Variants in RBM18 observed in about 807,000 individuals in gnomAD.
RBM18 encodes RNA binding motif protein 18, also known as probable RNA-binding protein 18.
Under a neutral mutation model 26.4 loss-of-function variants are expected in RBM18, and 18 were observed. That is an observed-to-expected ratio of 0.68 (90% CI 0.47 to 1.01). The LOEUF is 1.01. Among genes scored for constraint, RBM18 ranks in the 50% least tolerant of loss-of-function variants. The pLI is 0.00. For missense variants in RBM18, 180 were observed against 219.2 expected (o/e 0.82, Z 1.13); for synonymous variants, 74 against 81.1 (o/e 0.91, Z 0.47).
rs1004101273 is a variant in RBM18 at position 122,239,096 on chromosome 9, G to A, written c.*2788C>T. ...ATTACTCCTGTTCTTTTATGTAGTA[G>A]TATAAAAGAATCACAGATATATTTG... On this transcript the variant is annotated 3_prime_UTR_variant, in exon 6 of 6. Transcript: ENST00000417201. 6.6e-6 allele frequency: 1 copy of A among 152,214 alleles called. No individual in the cohort carries two copies. Among genetic ancestry groups the A allele is most frequent in the African/African-American group, 2.4e-5 (1 of 41,448 alleles). 9.4% of individuals were successfully genotyped at this position (152,214 alleles called of 1,614,324 possible). A position where few individuals can be genotyped will look rare whatever the true frequency, so the allele number is the denominator to read the frequency against.
chr9:122,240,525 TAAC>T lies in RBM18; in HGVS notation c.*1356_*1358del, dbSNP rs1404056566. 2.0e-5 allele frequency: 3 copies of T among 152,242 alleles called. No individual in the cohort carries two copies. The highest frequency in any genetic ancestry group is 2.1e-4 in the South Asian group (1 of 4,834). The allele number at this position is 152,242 out of a possible 1,614,324, so 9.4% of individuals were successfully genotyped here. A position where few individuals can be genotyped will look rare whatever the true frequency, so the allele number is the denominator to read the frequency against. ...TCCTATATTGAAAGCTTCCTCTTGCTAACAACGATAGTGATAAACATTCTGTCA... is the reference window on the plus strand; with the variant it reads ...TCCTATATTGAAAGCTTCCTCTTGCTAACGATAGTGATAAACATTCTGTCA... On this transcript the variant is annotated 3_prime_UTR_variant, in exon 6 of 6. Transcript: ENST00000417201.
At chr9:122,244,610 G>A (rs1831475396) in intron 5 of RBM18, among the ~76,000 whole-genome samples, 1 of 152,182 alleles carries the variant, frequency 6.6e-6, no homozygotes, top group African/African-American at 2.4e-5. Context: ...TTCAGCGTAA[G>A]CTCAATAAAT....
chr9:122,257,111 T>C (rs1831709448), intron 2 of RBM18, among the ~76,000 whole-genome samples: 1 of 152,230 alleles, frequency 6.6e-6, no homozygotes, highest in Non-Finnish European at 1.5e-5. Flanking sequence ...CGTCTTGCTC[T>C]GTCGCCCAGG....
chr9:122,244,153 AAT>A (rs1040092373), intron 5 of RBM18, among the ~76,000 whole-genome samples: 4 of 152,168 alleles, frequency 2.6e-5, no homozygotes, highest in Admixed American at 2.0e-4. Context: ...AAAAAAAAAA[AAT>A]CATATTAAAC....
intron 2 of RBM18, 79 bp downstream of exon 2, chr9:122,261,301 C>G (rs946605735): frequency 1.1e-6 from 1 of 945,992 alleles, no homozygotes; most frequent in South Asian, 1.3e-5. Flanking sequence ...ATCCCACACC[C>G]CTTGAAAATT....
chr9:122,258,376 C>T (rs1184093150), intron 2 of RBM18, among the ~76,000 whole-genome samples: 1 of 152,004 alleles, frequency 6.6e-6, no homozygotes, highest in East Asian at 1.9e-4. Flanking sequence ...TCAAGTGATT[C>T]TCCTGCCTCA....
At chr9:122,244,984 T>C (rs1831480507) in intron 5 of RBM18, among the ~76,000 whole-genome samples, 1 of 152,218 alleles carries the variant, frequency 6.6e-6, no homozygotes, top group Non-Finnish European at 1.5e-5. Flanking sequence ...CTGACCTGTC[T>C]TTGTAATTTT....
chr9:122,261,350 A>T, intron 2 of RBM18, 30 bp downstream of exon 2: 1 of 1,444,436 alleles, frequency 6.9e-7, no homozygotes, highest in Non-Finnish European at 9.8e-7. Flanking sequence ...CCAATATTGT[A>T]GGTAAAAAAC....
intron 1 of RBM18, among the ~76,000 whole-genome samples, chr9:122,262,741 G>T (rs185568355): frequency 6.6e-6 from 1 of 152,156 alleles, no homozygotes; most frequent in African/African-American, 2.4e-5. Flanking sequence ...ATGCCACTAA[G>T]CCTGTCTAAT....
At chr9:122,243,215 T>C (rs1831452210) in intron 5 of RBM18, among the ~76,000 whole-genome samples, 1 of 152,150 alleles carries the variant, frequency 6.6e-6, no homozygotes, top group African/African-American at 2.4e-5. Flanking sequence ...CAAGTAATCC[T>C]CCTGCCTCAG....
intron 2 of RBM18, 28 bp from the exon 3 acceptor site, chr9:122,252,001 T>C (rs757679374): frequency 1.2e-6 from 2 of 1,610,112 alleles, no homozygotes; most frequent in Non-Finnish European, 1.7e-6. Context: ...TCCATGAGTA[T>C]GCTCTGGGAA....
chr9:122,257,154 C>A (rs920938081), intron 2 of RBM18, among the ~76,000 whole-genome samples: 1 of 152,178 alleles, frequency 6.6e-6, no homozygotes, highest in African/African-American at 2.4e-5. Flanking sequence ...CGGCTCACTG[C>A]AAGCTCCGCC....
chr9:122,251,425 A>G (rs1831603974), intron 3 of RBM18, among the ~76,000 whole-genome samples: 1 of 152,314 alleles, frequency 6.6e-6, no homozygotes, highest in African/African-American at 2.4e-5. Flanking sequence ...TTGTTCTGAG[A>G]CCTTGAGAAG....
In RBM18 at chr9:122,261,395, T is replaced by C; in HGVS notation, c.98A>G (p.Asp33Gly). Residue 33 changes from aspartate (D) to glycine (G), a missense_variant, in exon 2 of 6, where the codon GAC becomes GGC. Transcript: ENST00000417201. The part of the protein sequence containing the change: ...EGHRLWIGNL[D>G]PKITEYHLLK... Reference sequence around the variant, plus strand: ...TTAGACTTACTCGGTAATTTTGGGGTCCAGGTTGCCAATCCATAATCGGTG... The same window carrying C: ...TTAGACTTACTCGGTAATTTTGGGGCCCAGGTTGCCAATCCATAATCGGTG... 1 of 1,613,086 alleles carries C rather than the reference T, an allele frequency of 6.2e-7. No homozygotes were observed. Among genetic ancestry groups the C allele is most frequent in the Non-Finnish European group, 8.5e-7 (1 of 1,179,046 alleles).
At chr9:122,259,182 G>A (rs1352577092) in intron 2 of RBM18, among the ~76,000 whole-genome samples, 2 of 152,084 alleles carry the variant, frequency 1.3e-5, no homozygotes, top group African/African-American at 4.8e-5. Flanking sequence ...CATAAACTGA[G>A]GTGGCAAATG....
intron 5 of RBM18, 40 bp downstream of exon 5, chr9:122,245,216 C>G: frequency 8.7e-7 from 1 of 1,155,088 alleles, no homozygotes; most frequent in Non-Finnish European, 1.3e-6. Context: ...ATGGCTGAAG[C>G]TCCTGAATTA....
chr9:122,241,888 C>T lies in RBM18; in HGVS notation c.569G>A (p.Arg190Lys), dbSNP rs184989286. 220 of 1,611,302 alleles carry T rather than the reference C, an allele frequency of 1.4e-4. No homozygotes were observed. The highest frequency in any genetic ancestry group is 1.8e-4 in the Non-Finnish European group (215 of 1,179,266). Residue 190 changes from arginine (R) to lysine (K), a missense_variant, in exon 6 of 6, where the codon AGA (arginine) becomes AAA (lysine). Transcript: ENST00000417201. ...PYSRTAWKSR[R>K] ...TGCTACAGTAATTCACAACCATCAT[C>T]TTCGAGATTTCCATGCTGTTCTAGA...
At chr9:122,248,590 C>T (rs1831544550) in intron 3 of RBM18, among the ~76,000 whole-genome samples, 1 of 152,202 alleles carries the variant, frequency 6.6e-6, no homozygotes, top group South Asian at 2.1e-4. Flanking sequence ...CCGAAAGTTC[C>T]TTGACCCTTT....
intron 2 of RBM18, among the ~76,000 whole-genome samples, chr9:122,254,939 TG>T (rs1831665756): frequency 1.3e-5 from 2 of 152,284 alleles, no homozygotes; most frequent in African/African-American, 4.8e-5. Flanking sequence ...GACTGGGTTG[TG>T]TCAGTGTGAG....
Sources: gnomAD v4.1 joint callset for allele counts (sites outside exome capture counted in the v4.1 genomes callset) on GRCh38, gnomAD v4.1.1 for gene constraint, MANE v1.5 for transcripts, NCBI Gene and HGNC (gene_info 2026-07-23, HGNC 2026-07-21) for gene names.